Variants in ATP8A2 observed in about 807,000 individuals in gnomAD.
The protein encoded by ATP8A2 is ATPase phospholipid transporting 8A2, also known as phospholipid-transporting ATPase IB.
ATP8A2 carries 100 observed loss-of-function variants against 165.6 expected under a neutral mutation model. That is an observed-to-expected ratio of 0.60 (90% CI 0.51 to 0.71). The LOEUF (loss-of-function observed/expected upper bound fraction) is 0.71, where lower values mean the gene tolerates loss of function less well. Ranked by LOEUF, ATP8A2 falls within the 30% of genes least tolerant of loss-of-function variation. ATP8A2 has a pLI of 0.00. For synonymous variants in ATP8A2, 543 were observed against 548.8 expected, an observed-to-expected ratio of 0.99 and a Z score of 0.15; for missense variants, 1,227 against 1,479.5, an observed-to-expected ratio of 0.83 and a Z score of 2.80.
chr13:25,830,595 C>G (rs1024018822), intron 28 of ATP8A2, among the ~76,000 whole-genome samples: 2 of 151,806 alleles, frequency 1.3e-5, no homozygotes, highest in Non-Finnish European at 2.9e-5. Context: ...GGAGATTTGC[C>G]CCCATGAAAA....
At chr13:25,625,374 T>G (rs568633925) in intron 24 of ATP8A2, among the ~76,000 whole-genome samples, 2 of 152,352 alleles carry the variant, frequency 1.3e-5, no homozygotes, top group South Asian at 4.1e-4. Flanking sequence ...CCTCTTTATG[T>G]CCAAAGCTTC....
chr13:25,790,731 C>T (rs1467140487), intron 27 of ATP8A2, among the ~76,000 whole-genome samples: 2 of 150,688 alleles, frequency 1.3e-5, no homozygotes, highest in African/African-American at 4.9e-5. Context: ...CATAAACAGA[C>T]ACTTTTCAAA....
At chr13:25,593,655 T>A (rs1283514284) in intron 24 of ATP8A2, among the ~76,000 whole-genome samples, 1 of 152,218 alleles carries the variant, frequency 6.6e-6, no homozygotes, top group African/African-American at 2.4e-5. Flanking sequence ...CCTGGCACAC[T>A]GACCAGAAAT....
In ATP8A2 at chr13:25,530,118, T is replaced by A; in HGVS notation, c.321+20T>A. ...TTACAGGTAATGGTTTTTTAACAGT[T>A]CCTTGGAATTCACTTAATTACATGT... On this transcript the variant is annotated intron_variant, in intron 3 of 36. Transcript: ENST00000381655. 4 of 1,416,240 alleles carry A rather than the reference T, an allele frequency of 2.8e-6. No individual in the cohort carries two copies. Among genetic ancestry groups the A allele is most frequent in the Non-Finnish European group, 4.0e-6 (4 of 1,007,662 alleles). 87.7% of individuals were successfully genotyped at this position (1,416,240 alleles called of 1,614,324 possible).
At chr13:25,791,300 C>T (rs993875446) in intron 27 of ATP8A2, among the ~76,000 whole-genome samples, 7 of 152,040 alleles carry the variant, frequency 4.6e-5, no homozygotes, top group African/African-American at 1.4e-4. Flanking sequence ...AACTAAATAC[C>T]ACATGTTCTC....
At chr13:25,484,820 A>G (rs1429099779) in intron 2 of ATP8A2, among the ~76,000 whole-genome samples, 1 of 152,228 alleles carries the variant, frequency 6.6e-6, no homozygotes, top group African/African-American at 2.4e-5. Flanking sequence ...ACCGGCAGGA[A>G]TATTCTTTAA....
chr13:25,938,938 G>A lies in ATP8A2; in HGVS notation c.3184-22637G>A, dbSNP rs115252270. ...GCTTACTGCAACCTCTGCCTGCCTG[G>A]TTCAAGCGATTCTCTTGCCTCAGCC... On this transcript the variant is annotated intron_variant, in intron 33 of 36. Transcript: ENST00000381655. Among the ~76,000 whole-genome samples, 1,518 of 152,014 alleles carry A rather than the reference G, an allele frequency of 1.0e-2. 24 individuals carry two copies. The highest frequency in any genetic ancestry group is 0.035 in the African/African-American group (1,447 of 41,446).
At position 26,013,782 on chromosome 13, in the gene ATP8A2, G is replaced by A. The variant is rs1400431744; in HGVS notation, c.3469+1160G>A. On this transcript the variant is annotated intron_variant, in intron 36 of 36. Coordinates refer to ENST00000381655, the MANE Select transcript of ATP8A2 (RefSeq NM_016529.6). ...ATCTGTGTTCTGTTGAGCTCTGCCT[G>A]TCAACAGGTATTTGCAGACTTTCTC... Among the ~76,000 whole-genome samples, 4 of 152,340 alleles carry A rather than the reference G, an allele frequency of 2.6e-5. No homozygotes were observed. In the East Asian group the frequency reaches 5.8e-4, roughly 22 times the overall value.
At chr13:25,938,991 C>T (rs548469919) in intron 33 of ATP8A2, among the ~76,000 whole-genome samples, 58 of 152,230 alleles carry the variant, frequency 3.8e-4, no homozygotes, top group Non-Finnish European at 3.7e-4. Context: ...TGCAGGCACG[C>T]ACCACCACGC....
At chr13:25,830,841 GCTTAACA>G (rs1323816316) in intron 28 of ATP8A2, among the ~76,000 whole-genome samples, 1 of 152,128 alleles carries the variant, frequency 6.6e-6, no homozygotes, top group Non-Finnish European at 1.5e-5. Flanking sequence ...TCGCTTTCCT[GCTTAACA>G]CTTTAGTCAA....
intron 24 of ATP8A2, among the ~76,000 whole-genome samples, chr13:25,634,097 A>G (rs1246939497): frequency 6.6e-6 from 1 of 152,210 alleles, no homozygotes; most frequent in Non-Finnish European, 1.5e-5. Context: ...GCTGTATCTA[A>G]ATATCTGAAA....
chr13:26,010,693 AACCATG>A (rs1956826744), intron 35 of ATP8A2, among the ~76,000 whole-genome samples: 2 of 152,212 alleles, frequency 1.3e-5, no homozygotes, highest in African/African-American at 4.8e-5. Context: ...GTGTTTGCAC[AACCATG>A]CCTTCCAGGG....
At chr13:25,481,784 G>C (rs1274881409) in intron 2 of ATP8A2, among the ~76,000 whole-genome samples, 2 of 152,170 alleles carry the variant, frequency 1.3e-5, no homozygotes, top group Non-Finnish European at 2.9e-5. Flanking sequence ...TGTCCTCCCA[G>C]AACAGAGAGA....
intron 25 of ATP8A2, among the ~76,000 whole-genome samples, chr13:25,759,842 G>A (rs1483668042): frequency 2.6e-5 from 4 of 152,222 alleles, no homozygotes; most frequent in East Asian, 1.9e-4. Context: ...CATGAAATGC[G>A]CTTGCCCAGA....
chr13:25,455,347 GAGC>G (rs1217427050), intron 1 of ATP8A2, among the ~76,000 whole-genome samples: 1 of 152,222 alleles, frequency 6.6e-6, no homozygotes, highest in Non-Finnish European at 1.5e-5. Context: ...ACATTAGTGA[GAGC>G]TTGGCACCTT....
intron 2 of ATP8A2, chr13:25,517,061 A>T (rs1431739618): frequency 1.3e-5 from 2 of 149,558 alleles, no homozygotes; most frequent in African/African-American, 4.9e-5. Context: ...GATTACAGGC[A>T]TGAGCCACCG....
At chr13:26,013,434 G>A (rs1566352863) in intron 36 of ATP8A2, among the ~76,000 whole-genome samples, 1 of 152,236 alleles carries the variant, frequency 6.6e-6, no homozygotes, top group Non-Finnish European at 1.5e-5. Flanking sequence ...TAGAACTTTC[G>A]GAGGCTGAGG....
intron 25 of ATP8A2, among the ~76,000 whole-genome samples, chr13:25,731,464 C>A (rs9511901): frequency 2.7e-4 from 41 of 152,084 alleles, no homozygotes; most frequent in African/African-American, 9.4e-4. Context: ...AAAATATTGA[C>A]CAATTGAACT....
intron 33 of ATP8A2, among the ~76,000 whole-genome samples, chr13:25,888,075 C>CCG (rs1953222797): frequency 7.5e-6 from 1 of 133,558 alleles, no homozygotes; most frequent in Non-Finnish European, 1.6e-5. Context: ...CAGACCCCCC[C>CCG]CCCGCCCCAC....
Sources: allele counts gnomAD v4.1 joint callset (sites outside exome capture counted in the v4.1 genomes callset), GRCh38; gene constraint gnomAD v4.1.1; transcripts MANE v1.5; gene names NCBI Gene and HGNC (gene_info 2026-07-23, HGNC 2026-07-21).